ZNF624: variants seen among roughly 807,000 people sequenced by gnomAD.
ZNF624 encodes zinc finger protein 624.
A neutral mutation model predicts 74.7 loss-of-function variants in ZNF624; 43 were observed. The ratio of observed to expected loss-of-function variants is 0.58; its 90% confidence interval spans 0.45 to 0.74. The LOEUF (loss-of-function observed/expected upper bound fraction) is 0.74. Ranked by LOEUF, ZNF624 falls within the 30% of genes least tolerant of loss-of-function variation. The pLI is 0.00. For synonymous variants in ZNF624, 331 were observed against 341.3 expected, an observed-to-expected ratio of 0.97 and a Z score of 0.33; for missense variants, 820 against 1,030.0, an observed-to-expected ratio of 0.80 and a Z score of 2.79.
intron 3 of ZNF624, among the ~76,000 whole-genome samples, chr17:16,640,140 C>T (rs1870707884): frequency 6.6e-6 from 1 of 151,894 alleles, no homozygotes; most frequent in African/African-American, 2.4e-5. Context: ...ATAAATGTAC[C>T]AGTGAGACAT....
At chr17:16,635,448 A>C (rs888658337) in intron 3 of ZNF624, among the ~76,000 whole-genome samples, 37 of 152,018 alleles carry the variant, frequency 2.4e-4, no homozygotes, top group African/African-American at 8.9e-4. Context: ...TGACTTTTGA[A>C]CCATGTAAAT....
At chr17:16,627,247 T>C (rs1909095102) in intron 5 of ZNF624, among the ~76,000 whole-genome samples, 1 of 152,186 alleles carries the variant, frequency 6.6e-6, no homozygotes, top group Non-Finnish European at 1.5e-5. Flanking sequence ...ATATTAGTAA[T>C]TAGAAATTTT....
At chr17:16,626,980 A>C (rs1597491779) in intron 5 of ZNF624, among the ~76,000 whole-genome samples, 1 of 152,056 alleles carries the variant, frequency 6.6e-6, no homozygotes, top group African/African-American at 2.4e-5. Flanking sequence ...GCTTGAACCC[A>C]GGAGGCGGAG....
chr17:16,625,470 C>T (rs945699496), intron 5 of ZNF624, among the ~76,000 whole-genome samples: 9 of 152,230 alleles, frequency 5.9e-5, no homozygotes, highest in Admixed American at 5.9e-4. Flanking sequence ...GCCTGAGCCA[C>T]CATGCCATGC....
chr17:16,617,695 C>T (rs561483531), downstream of ZNF624: 8 of 1,604,738 alleles, frequency 5.0e-6, no homozygotes, highest in Middle Eastern at 2.2e-4. Flanking sequence ...ATCACGCGCT[C>T]GCCGCAGAGC....
chr17:16,624,853 C>CAAAAAAA lies in ZNF624; in HGVS notation c.377-351_377-345dup, dbSNP rs59170659. On this transcript the variant is annotated intron_variant, in intron 5 of 5. Coordinates refer to ENST00000311331, the MANE Select transcript of ZNF624 (RefSeq NM_020787.4). ...GCAATATAGCAAAACCCTGTCTCTACAAAAAAAAAAAAAAAAAAAAAAAAA... is the reference window on the plus strand; with the variant it reads ...GCAATATAGCAAAACCCTGTCTCTACAAAAAAAAAAAAAAAAAAAAAAAAAAAAAAAA... The CAAAAAAA allele has an allele frequency of 3.2e-3, 141 of 43,998 alleles. 13 individuals carry two copies. The highest frequency in any genetic ancestry group is 3.9e-3 in the Non-Finnish European group (104 of 26,966). The allele number at this position is 43,998 out of a possible 1,614,324, so 2.7% of individuals were successfully genotyped here. A position where few individuals can be genotyped will look rare whatever the true frequency, so the allele number is the denominator to read the frequency against.
intron 3 of ZNF624, among the ~76,000 whole-genome samples, chr17:16,635,817 A>G (rs1194421865): frequency 1.3e-5 from 2 of 152,046 alleles, no homozygotes; most frequent in Admixed American, 6.5e-5. Flanking sequence ...ATGAGGTTAA[A>G]AACTCCATAG....
At chr17:16,642,882 G>C (rs534863978) in intron 3 of ZNF624, among the ~76,000 whole-genome samples, 2 of 152,264 alleles carry the variant, frequency 1.3e-5, no homozygotes, top group Admixed American at 6.5e-5. Flanking sequence ...TTCTCCAAAG[G>C]AGATATACAA....
At chr17:16,638,969 T>A (rs1264844846) in intron 3 of ZNF624, among the ~76,000 whole-genome samples, 1 of 152,334 alleles carries the variant, frequency 6.6e-6, no homozygotes, top group Admixed American at 6.5e-5. Flanking sequence ...TAAGGGCTTA[T>A]AATGTACTGA....
downstream of ZNF624, among the ~76,000 whole-genome samples, chr17:16,620,382 CGGCCT>C (rs1421643315): frequency 6.6e-6 from 1 of 152,178 alleles, no homozygotes; most frequent in Non-Finnish European, 1.5e-5. Flanking sequence ...AAGCTTTACA[CGGCCT>C]CTTCCATAAA....
At chr17:16,648,751 CA>C in intron 2 of ZNF624, among the ~76,000 whole-genome samples, 1 of 152,206 alleles carries the variant, frequency 6.6e-6, no homozygotes, top group African/African-American at 2.4e-5. Context: ...CAAGGACACT[CA>C]AACACACACA....
intron 3 of ZNF624, among the ~76,000 whole-genome samples, chr17:16,637,470 T>C (rs1909360917): frequency 6.6e-6 from 1 of 152,190 alleles, no homozygotes; most frequent in South Asian, 2.1e-4. Context: ...CAAACTATAC[T>C]ACAAGGCTAC....
In ZNF624 at chr17:16,627,467, C is replaced by T. The variant is rs185675394; in HGVS notation, c.377-2958G>A. On this transcript the variant is annotated intron_variant, in intron 5 of 5. Coordinates refer to ENST00000311331, the MANE Select transcript of ZNF624 (RefSeq NM_020787.4). ...CAATTTGAAATGTTGGACAAAAGAACAGTCTGTTTGAAAGCATCTGAAAGC... is the reference window on the plus strand; with the variant it reads ...CAATTTGAAATGTTGGACAAAAGAATAGTCTGTTTGAAAGCATCTGAAAGC... Among the ~76,000 whole-genome samples the T allele has an allele frequency of 1.5e-4, 23 of 152,282 alleles. No individual in the cohort carries two copies. In the East Asian group the frequency reaches 3.7e-3, roughly 24 times the overall value.
At chr17:16,650,344 G>A (rs760266465) in intron 1 of ZNF624, among the ~76,000 whole-genome samples, 2 of 151,572 alleles carry the variant, frequency 1.3e-5, no homozygotes, top group East Asian at 1.9e-4. Flanking sequence ...TTACCCCTCC[G>A]AATCTGATAT....
chr17:16,614,264 GTT>G, the ZNF624 span, among the ~76,000 whole-genome samples: 1 of 151,866 alleles, frequency 6.6e-6, no homozygotes. Flanking sequence ...AAGTAGGTGG[GTT>G]TTTAAAAAAA....
chr17:16,626,927 C>T (rs961694234), intron 5 of ZNF624, among the ~76,000 whole-genome samples: 2 of 151,904 alleles, frequency 1.3e-5, no homozygotes, highest in African/African-American at 2.4e-5. Context: ...TGGTGGCACA[C>T]GCTTATAATC....
chr17:16,646,652 C>G (rs1438160206), intron 3 of ZNF624, among the ~76,000 whole-genome samples: 1 of 152,120 alleles, frequency 6.6e-6, no homozygotes, highest in Non-Finnish European at 1.5e-5. Context: ...ACAGTAATAC[C>G]ATAACTTTGG....
At chr17:16,615,972 T>C (rs571884702), downstream of ZNF624, among the ~76,000 whole-genome samples, 6 of 78,398 alleles carry the variant, frequency 7.7e-5, no homozygotes, top group African/African-American at 3.3e-4. Context: ...TATATATATA[T>C]ATATATATAT....
intron 3 of ZNF624, among the ~76,000 whole-genome samples, chr17:16,645,294 C>G (rs1002534622): frequency 6.6e-6 from 1 of 152,030 alleles, no homozygotes; most frequent in Non-Finnish European, 1.5e-5. Context: ...AAAAATTAGC[C>G]GGACATGGTG....
Sources: gnomAD v4.1 joint callset for allele counts (sites outside exome capture counted in the v4.1 genomes callset) on GRCh38, gnomAD v4.1.1 for gene constraint, MANE v1.5 for transcripts, NCBI Gene and HGNC (gene_info 2026-07-23, HGNC 2026-07-21) for gene names.